TBXAS1: variants seen among roughly 807,000 people sequenced by gnomAD.
TBXAS1 encodes the protein thromboxane-A synthase.
A neutral mutation model predicts 60.7 loss-of-function variants in TBXAS1; 48 were observed. The ratio of observed to expected loss-of-function variants is 0.79; its 90% CI spans 0.63 to 1.01. The LOEUF is 1.01. Ranked by LOEUF, TBXAS1 falls within the 50% of genes least tolerant of loss-of-function variation. TBXAS1 has a pLI of 0.00. For missense variants in TBXAS1, 685 were observed against 686.3 expected (o/e 1.00, Z 0.02); for synonymous variants, 287 against 269.7 (o/e 1.06, Z -0.63).
rs533626373 is a variant in TBXAS1 at position 139,989,127 on chromosome 7, C to T, written c.1135-17964C>T. 5.6e-4 allele frequency among the ~76,000 whole-genome samples: 86 copies of T among 152,358 alleles called. 1 individual carries two copies. Among genetic ancestry groups the T allele is most frequent in the Non-Finnish European group, 7.9e-4 (54 of 68,032 alleles). On this transcript the variant is annotated intron_variant, in intron 9 of 12. Coordinates refer to ENST00000448866, the MANE Select transcript of TBXAS1 (RefSeq NM_001061.7). ...CTGCCCATAGCAGAAATCAACAACA[C>T]GTGGGCACTGAGCTCTTTTCCAGAA... is the stretch of plus-strand genomic sequence containing the variant.
At chr7:139,912,180 A>G (rs1205076813) in intron 4 of TBXAS1, among the ~76,000 whole-genome samples, 1 of 152,100 alleles carries the variant, frequency 6.6e-6, no homozygotes, top group African/African-American at 2.4e-5. Context: ...TGGGAGTGGG[A>G]GGGGCTCCAG....
intron 10 of TBXAS1, among the ~76,000 whole-genome samples, chr7:140,008,669 A>C (rs1569524664): frequency 1.3e-5 from 2 of 152,044 alleles, no homozygotes. Flanking sequence ...GGCTGGTCTC[A>C]AACTCCTGAC....
chr7:139,907,209 T>G (rs1805173601), intron 3 of TBXAS1, among the ~76,000 whole-genome samples: 2 of 152,212 alleles, frequency 1.3e-5, no homozygotes, highest in African/African-American at 4.8e-5. Flanking sequence ...GGAACTCCTC[T>G]CTATTCCTGA....
At chr7:139,836,252 C>G (rs1799054078) in intron 1 of TBXAS1, among the ~76,000 whole-genome samples, 2 of 152,078 alleles carry the variant, frequency 1.3e-5, no homozygotes, top group Admixed American at 1.3e-4. Context: ...CAAAAGCAAT[C>G]TACAAATTCA....
intron 5 of TBXAS1, among the ~76,000 whole-genome samples, chr7:139,942,994 C>G (rs1808410128): frequency 6.6e-6 from 1 of 152,168 alleles, no homozygotes; most frequent in Non-Finnish European, 1.5e-5. Flanking sequence ...GTGCAAAAGT[C>G]TTTTCAGAAT....
intron 4 of TBXAS1, among the ~76,000 whole-genome samples, chr7:139,914,915 T>C (rs755757369): frequency 6.6e-6 from 1 of 152,192 alleles, no homozygotes; most frequent in Non-Finnish European, 1.5e-5. Flanking sequence ...TATATTCTTG[T>C]TCCAACTGAA....
At chr7:139,994,833 C>T (rs971770338) in intron 9 of TBXAS1, among the ~76,000 whole-genome samples, 6 of 152,184 alleles carry the variant, frequency 3.9e-5, no homozygotes, top group South Asian at 2.1e-4. Flanking sequence ...GATTCCCAGG[C>T]GTGAGGGAGG....
chr7:139,866,663 TGA>T (rs1040773339), intron 1 of TBXAS1, among the ~76,000 whole-genome samples: 3 of 147,202 alleles, frequency 2.0e-5, no homozygotes, highest in Non-Finnish European at 3.0e-5. Flanking sequence ...GAGGCTGAGG[TGA>T]GAGGATCACT....
At chr7:139,965,719 TG>T (rs903765232) in intron 9 of TBXAS1, among the ~76,000 whole-genome samples, 1 of 152,046 alleles carries the variant, frequency 6.6e-6, no homozygotes, top group Non-Finnish European at 1.5e-5. Context: ...TAGCTGGTTG[TG>T]GGGGGGAGTC....
chr7:139,839,608 G>A (rs1345156772), intron 1 of TBXAS1, among the ~76,000 whole-genome samples: 1 of 151,030 alleles, frequency 6.6e-6, no homozygotes, highest in African/African-American at 2.4e-5. Flanking sequence ...GGAGGGCAAA[G>A]TGGGAGGATC....
At position 139,836,493 on chromosome 7, in the gene TBXAS1, G is replaced by C. The variant is rs1437879468; in HGVS notation, c.89+7014G>C. ...GCACATAGACCAATGGAACCAAATA[G>C]AGAACCACAAATAAACCCAAATACT... On this transcript the variant is annotated intron_variant, in intron 1 of 12. Transcript: ENST00000448866. Among the ~76,000 whole-genome samples the C allele has an allele frequency of 2.0e-5, 3 of 152,228 alleles. No individual in the cohort carries two copies. In the East Asian group the frequency reaches 5.8e-4, roughly 29 times the overall value.
rs1805949969 is a variant in TBXAS1 at position 139,916,153 on chromosome 7, A to ATT, written c.333+4833_333+4834insTT. On this transcript the variant is annotated intron_variant, in intron 4 of 12. Coordinates refer to ENST00000448866, the MANE Select transcript of TBXAS1 (RefSeq NM_001061.7). This position sits in a 1 kb window ranked among gnomAD's most constrained non-coding sequence, Gnocchi z 4.2. ...AAACCATAGGGCAGCTCTTTTTTAA[A>ATT]TATCTGTGGAAAATGGAGCTGAGTC... Among the ~76,000 whole-genome samples the ATT allele has an allele frequency of 6.6e-6, 1 of 152,174 alleles. No individual in the cohort carries two copies. The highest frequency in any genetic ancestry group is 1.5e-5 in the Non-Finnish European group (1 of 68,026).
intron 1 of TBXAS1, among the ~76,000 whole-genome samples, chr7:139,868,490 T>TATTC (rs1554478696): frequency 3.2e-4 from 49 of 151,532 alleles, no homozygotes; most frequent in African/African-American, 1.1e-3. Flanking sequence ...TTTATTTATT[T>TATTC]ATTCATTTTT....
chr7:139,993,455 A>G (rs1813068623), intron 9 of TBXAS1, among the ~76,000 whole-genome samples: 1 of 152,226 alleles, frequency 6.6e-6, no homozygotes, highest in Non-Finnish European at 1.5e-5. Flanking sequence ...CAGTGAATAC[A>G]GGGTATTAAG....
chr7:139,788,595 C>T (rs1009100866), intron 4 of TBXAS1, among the ~76,000 whole-genome samples: 2 of 152,208 alleles, frequency 1.3e-5, no homozygotes, highest in Admixed American at 1.3e-4. Flanking sequence ...TCAAACTGCC[C>T]ACCAGCCAAT....
At chr7:139,861,044 C>T (rs923877564) in intron 1 of TBXAS1, among the ~76,000 whole-genome samples, 1 of 151,874 alleles carries the variant, frequency 6.6e-6, no homozygotes, top group African/African-American at 2.4e-5. Flanking sequence ...CGTGGTGGCA[C>T]ATGCCTGTAA....
intron 1 of TBXAS1, among the ~76,000 whole-genome samples, chr7:139,856,206 G>T (rs375844524): frequency 6.6e-6 from 1 of 152,242 alleles, no homozygotes; most frequent in African/African-American, 2.4e-5. Flanking sequence ...CTACAGGGTT[G>T]TGGCTTCAAC....
At chr7:139,996,082 C>A (rs1813262841) in intron 9 of TBXAS1, among the ~76,000 whole-genome samples, 1 of 152,128 alleles carries the variant, frequency 6.6e-6, no homozygotes, top group Non-Finnish European at 1.5e-5. Context: ...GATCCTTCCA[C>A]CTCGGCCTCC....
At chr7:139,958,662 T>C (rs1315787589) in intron 8 of TBXAS1, among the ~76,000 whole-genome samples, 1 of 152,212 alleles carries the variant, frequency 6.6e-6, no homozygotes, top group African/African-American at 2.4e-5. Context: ...ATTAGTGGCT[T>C]GATACACCGA....
Sources: gnomAD v4.1 joint callset for allele counts (sites outside exome capture counted in the v4.1 genomes callset) on GRCh38, gnomAD v4.1.1 for gene constraint, Gnocchi (gnomAD v3.1) non-coding constraint, MANE v1.5 for transcripts, NCBI Gene and HGNC (gene_info 2026-07-23, HGNC 2026-07-21) for gene names.